ADAM12: variants seen among roughly 807,000 people sequenced by gnomAD.
ADAM12 encodes the protein disintegrin and metalloproteinase domain-containing protein 12.
ADAM12 carries 70 observed loss-of-function variants against 106.4 expected under a neutral mutation model. The ratio of observed to expected loss-of-function variants is 0.66; its 90% CI spans 0.54 to 0.80. ADAM12 has a LOEUF of 0.80. ADAM12 is among the 30% of genes least tolerant of loss of function. The pLI is 0.00. For missense variants in ADAM12, 1,010 were observed against 1,171.9 expected, an observed-to-expected ratio of 0.86 and a Z score of 2.02; for synonymous variants, 420 against 433.5, an observed-to-expected ratio of 0.97 and a Z score of 0.39.
At chr10:126,132,052 T>C (rs1437579213) in intron 5 of ADAM12, among the ~76,000 whole-genome samples, 1 of 151,840 alleles carries the variant, frequency 6.6e-6, no homozygotes, top group African/African-American at 2.4e-5. Context: ...CTCGGCTCAC[T>C]GCAACCCCCG....
At chr10:126,218,700 T>A (rs1453593294) in intron 3 of ADAM12, among the ~76,000 whole-genome samples, 1 of 152,176 alleles carries the variant, frequency 6.6e-6, no homozygotes, top group East Asian at 1.9e-4. Flanking sequence ...ATTTGCTTTA[T>A]CCATGTTCAA....
At chr10:126,082,402 T>C (rs1224597130) in intron 11 of ADAM12, among the ~76,000 whole-genome samples, 2 of 146,088 alleles carry the variant, frequency 1.4e-5, no homozygotes, top group Admixed American at 1.4e-4. Flanking sequence ...GGAGTTTCGC[T>C]CTGTAGCCCA....
chr10:126,148,168 C>G (rs1956663806), intron 4 of ADAM12, among the ~76,000 whole-genome samples: 1 of 152,216 alleles, frequency 6.6e-6, no homozygotes, highest in Admixed American at 6.5e-5. Context: ...AAATTAAAAT[C>G]AGCCACTCTT....
chr10:126,272,852 T>C, intron 3 of ADAM12: 1 of 411,894 alleles, frequency 2.4e-6, no homozygotes, highest in South Asian at 2.0e-5. Flanking sequence ...TACAATGGCT[T>C]CTACAGTGTG....
intron 3 of ADAM12, among the ~76,000 whole-genome samples, chr10:126,265,304 A>C (rs1427095157): frequency 6.6e-6 from 1 of 152,220 alleles, no homozygotes; most frequent in African/African-American, 2.4e-5. Flanking sequence ...TGATGAGGGA[A>C]AGTTCTTCTC....
At chr10:126,213,119 G>T (rs1205406119) in intron 3 of ADAM12, among the ~76,000 whole-genome samples, 1 of 152,110 alleles carries the variant, frequency 6.6e-6, no homozygotes, top group South Asian at 2.1e-4. Context: ...CAGATAATAA[G>T]TGCTCAATAA....
At chr10:126,121,167 A>ATATACTATATATACTATATATAC (rs1565074151) in intron 5 of ADAM12, among the ~76,000 whole-genome samples, 1 of 83,762 alleles carries the variant, frequency 1.2e-5, no homozygotes, top group African/African-American at 5.1e-5. Context: ...TATATATACT[A>ATATACTATATATACTATATATAC]TATATACTAT....
Position 126,101,118 on chromosome 10 carries a change from T to C in ADAM12, c.865A>G (p.Met289Val), listed in dbSNP as rs1389234355. The C allele has an allele frequency of 6.2e-6, 10 of 1,614,016 alleles. No homozygotes were observed. The highest frequency in any genetic ancestry group is 8.5e-6 in the Non-Finnish European group (10 of 1,179,922). ...TGGGATTTGCGAGGTAGAAGCTTCA[T>C]CTTCCTCCAGTCCAGAAATTCATGG... ...SLHEFLDWRKMKLLPRKSHDN... is the reference protein window; with the variant it reads ...SLHEFLDWRKVKLLPRKSHDN... The change falls in exon 9 of 23, where the codon ATG becomes GTG. Residue 289 changes from methionine to valine, a missense_variant. Transcript: ENST00000448723.
chr10:126,026,164 G>C (rs1340456075), intron 21 of ADAM12, among the ~76,000 whole-genome samples: 1 of 152,022 alleles, frequency 6.6e-6, no homozygotes, highest in African/African-American at 2.4e-5. Context: ...CCAGGCAAAT[G>C]GAAAACAGAA....
In ADAM12 at chr10:126,388,071, G is replaced by A. The variant is rs1028587701; in HGVS notation, c.75C>T (p.Pro25=). The change falls in exon 1 of 23, where the codon CCC becomes CCT. Residue 25 remains proline, a synonymous_variant. Coordinates refer to ENST00000448723, the MANE Select transcript of ADAM12 (RefSeq NM_001288973.2). This position sits in a 1 kb window ranked among gnomAD's most constrained non-coding sequence, Gnocchi z 4.4. ...TCGGCGACTTACCTCGGGCCTCGCA[G>A]GGCGCGAGCAGAGCACCGGCCAGGG... is the stretch of plus-strand genomic sequence containing the variant. The part of the protein sequence containing the change: ...LLALAGALLA[P]CEARGVSLWN... 7 of 1,229,168 alleles carry A rather than the reference G, an allele frequency of 5.7e-6. No homozygotes were observed. The Admixed American group carries it at 2.7e-4, about 47-fold the overall frequency. 76.1% of individuals were successfully genotyped at this position (1,229,168 alleles called of 1,614,324 possible).
At chr10:126,116,710 G>A (rs994548179) in intron 6 of ADAM12, among the ~76,000 whole-genome samples, 2 of 151,954 alleles carry the variant, frequency 1.3e-5, no homozygotes, top group African/African-American at 4.8e-5. Context: ...AACAGAAGAC[G>A]TGAGGGTTAC....
chr10:126,377,971 G>A (rs1391040262), intron 1 of ADAM12, among the ~76,000 whole-genome samples: 2 of 152,082 alleles, frequency 1.3e-5, no homozygotes, highest in Non-Finnish European at 2.9e-5. Context: ...AAGAGAGGAG[G>A]ATTGTTTAAA....
At position 126,036,204 on chromosome 10, in the gene ADAM12, C is replaced by T. The variant is rs767535609; in HGVS notation, c.2471G>A (p.Arg824His). The T allele has an allele frequency of 2.3e-5, 35 of 1,545,570 alleles. No homozygotes were observed. In the South Asian group the frequency reaches 3.8e-4, roughly 17 times the overall value. The change falls in exon 21 of 23, where the codon CGT becomes CAT. Residue 824 changes from arginine to histidine, a missense_variant. Arg to His is a conservative substitution (Grantham distance 29, BLOSUM62 0). Coordinates refer to ENST00000448723, the MANE Select transcript of ADAM12 (RefSeq NM_001288973.2). ...RVLPPLHRAP[R>H]APSVPARPLP... ...GGGTCTGGCAGGGACGCTAGGTGCA[C>T]GTGGAGCCCGGTGGAGGGGAGGAAG...
intron 2 of ADAM12, among the ~76,000 whole-genome samples, 160 bp downstream of exon 2, chr10:126,330,252 G>C (rs1854460973): frequency 6.6e-6 from 1 of 152,170 alleles, no homozygotes; most frequent in Admixed American, 6.5e-5. Flanking sequence ...ATCAAAATTG[G>C]TTTGCATATT....
chr10:126,086,456 A>G (rs529649001), intron 11 of ADAM12, among the ~76,000 whole-genome samples: 2 of 150,132 alleles, frequency 1.3e-5, no homozygotes, highest in Non-Finnish European at 3.0e-5. Flanking sequence ...CAGGTGGATC[A>G]CTCGAGGCCA....
chr10:126,138,823 C>CCTTTT (rs1956456593), intron 4 of ADAM12, among the ~76,000 whole-genome samples: 1 of 149,162 alleles, frequency 6.7e-6, no homozygotes, highest in African/African-American at 2.5e-5. Context: ...ATATCTTTTT[C>CCTTTT]TTTTTAAGAG....
chr10:126,122,236 T>C lies in ADAM12; in HGVS notation c.417-4012A>G, dbSNP rs182635713. 2.1e-3 allele frequency among the ~76,000 whole-genome samples: 316 copies of C among 152,314 alleles called. 2 individuals are homozygous for C. The highest frequency in any genetic ancestry group is 7.4e-3 in the African/African-American group (307 of 41,568). Reference sequence around the variant, plus strand: ...CCTTCTAAGTCATCCAAAGTCCAGATTGACTAAAAGTCATTCTATGAAGTG... The same window carrying C: ...CCTTCTAAGTCATCCAAAGTCCAGACTGACTAAAAGTCATTCTATGAAGTG... On this transcript the variant is annotated intron_variant, in intron 5 of 22. Coordinates refer to ENST00000448723, the MANE Select transcript of ADAM12 (RefSeq NM_001288973.2).
At chr10:126,207,067 T>C (rs186831173) in intron 3 of ADAM12, among the ~76,000 whole-genome samples, 3 of 152,326 alleles carry the variant, frequency 2.0e-5, no homozygotes, top group Admixed American at 2.0e-4. Context: ...CATGTGGAAC[T>C]GAGTCTATTA....
intron 3 of ADAM12, among the ~76,000 whole-genome samples, chr10:126,231,340 T>G (rs76519988): frequency 1.3e-5 from 2 of 151,678 alleles, no homozygotes; most frequent in Non-Finnish European, 2.9e-5. Flanking sequence ...CTTAGGAACT[T>G]TGAAATCTTA....
Sources: gnomAD v4.1 joint callset for allele counts (sites outside exome capture counted in the v4.1 genomes callset) on GRCh38, gnomAD v4.1.1 for gene constraint, Gnocchi (gnomAD v3.1) non-coding constraint, MANE v1.5 for transcripts, NCBI Gene and HGNC (gene_info 2026-07-23, HGNC 2026-07-21) for gene names.